Variants in TSFM observed in about 807,000 individuals in gnomAD.
TSFM encodes elongation factor Ts, mitochondrial.
A neutral mutation model predicts 33.4 loss-of-function variants in TSFM; 29 were observed. The observed-to-expected ratio is 0.87, with a 90% CI of 0.65 to 1.18. TSFM has a LOEUF of 1.18. Among genes scored for constraint, TSFM ranks in the 50% most tolerant of loss-of-function variants. The pLI is 0.00. For missense variants in TSFM, 394 were observed against 395.6 expected, an observed-to-expected ratio of 1.00 and a Z score of 0.04; for synonymous variants, 178 against 163.5, an observed-to-expected ratio of 1.09 and a Z score of -0.68.
intron 2 of TSFM, chr12:57,783,764 AT>A (rs1955548780): frequency 1.0e-5 from 6 of 577,046 alleles, no homozygotes; most frequent in Non-Finnish European, 1.8e-5. Context: ...CGGCTATTTT[AT>A]TTTTTATTTT....
intron 2 of TSFM, 142 bp downstream of exon 2, chr12:57,783,425 C>T: frequency 9.3e-7 from 1 of 1,071,400 alleles, no homozygotes; most frequent in Non-Finnish European, 1.4e-6. Flanking sequence ...GCTTAAATGA[C>T]AACCTTGGCC....
At position 57,783,223 on chromosome 12, in the gene TSFM, A is replaced by G. The variant is rs1309243990; in HGVS notation, c.171A>G (p.Thr57=). Residue 57 remains threonine, a synonymous_variant, in exon 2 of 6, where the codon ACA becomes ACG. Coordinates refer to ENST00000652027, the MANE Select transcript of TSFM (RefSeq NM_005726.6). The part of the protein sequence containing the change: ...KELLMKLRRK[T]GYSFVNCKKA... ...TCCTCATGAAGCTGCGGCGGAAAAC[A>G]GGCTACTCCTTTGTAAATTGCAAGA... 2.5e-6 allele frequency: 4 copies of G among 1,613,760 alleles called. No individual in the cohort carries two copies. Among genetic ancestry groups the G allele is most frequent in the Admixed American group, 3.3e-5 (2 of 60,000 alleles).
chr12:57,786,411 T>C, intron 3 of TSFM, 120 bp downstream of exon 3: 1 of 1,278,426 alleles, frequency 7.8e-7, no homozygotes, highest in Non-Finnish European at 1.0e-6. Flanking sequence ...TAAAGCGTAG[T>C]TGAAGTTAAA....
In TSFM at chr12:57,793,214, GT is replaced by G. The variant is rs1177522784; in HGVS notation, c.571+143del. 4.2e-6 allele frequency: 3 copies of G among 711,124 alleles called. No homozygotes were observed. In the East Asian group the frequency reaches 8.6e-5, roughly 20 times the overall value. 44.1% of individuals were successfully genotyped at this position (711,124 alleles called of 1,614,324 possible). A position where few individuals can be genotyped will look rare whatever the true frequency, so the allele number is the denominator to read the frequency against. On this transcript the variant is annotated intron_variant, in intron 5 of 5. Coordinates refer to ENST00000652027, the MANE Select transcript of TSFM (RefSeq NM_005726.6). ...GTGAGAAGTGGTGTGTGTGTTAGAT[GT>G]TAGGGAACATTAGGCATCTTTTTTT...
downstream of TSFM, chr12:57,801,378 A>C: frequency 1.8e-6 from 1 of 545,934 alleles, no homozygotes; most frequent in Non-Finnish European, 3.3e-6. Context: ...TGCAGGCTTG[A>C]AAGGTGCTTA....
chr12:57,792,772 G>A (rs1427521379), intron 4 of TSFM, among the ~76,000 whole-genome samples: 2 of 151,932 alleles, frequency 1.3e-5, no homozygotes, highest in Non-Finnish European at 2.9e-5. Flanking sequence ...TTTGTATTTC[G>A]TTGGAGACGG....
Position 57,786,262 on chromosome 12 carries a change from C to T in TSFM, c.331C>T (p.Gln111Ter). 1 of 1,612,154 alleles carries T rather than the reference C, an allele frequency of 6.2e-7. No homozygotes were observed. Among genetic ancestry groups the T allele is most frequent in the Non-Finnish European group, 8.5e-7 (1 of 1,179,032 alleles). ...KTKEGLIGLLQEGNTTVLVEV... is the reference protein window; with the variant it reads ...KTKEGLIGLL ...CAAAGAAGGCCTGATTGGGCTGTTG[C>T]AGGAAGGAAACACAACTGTATTAGT... The change falls in exon 3 of 6, where the codon CAG (glutamine) becomes TAG (stop). Residue 111 changes from glutamine (Q) to a stop codon, truncating the protein, a stop_gained. Coordinates refer to ENST00000652027, the MANE Select transcript of TSFM (RefSeq NM_005726.6). LOFTEE classifies it high-confidence loss of function.
chr12:57,795,245 T>G (rs182789999), intron 5 of TSFM, among the ~76,000 whole-genome samples: 1 of 151,102 alleles, frequency 6.6e-6, no homozygotes, highest in Non-Finnish European at 1.5e-5. Flanking sequence ...ATTACAGGCA[T>G]GTGCCACCAT....
At chr12:57,784,233 A>T in intron 2 of TSFM, 2 of 666,230 alleles carry the variant, frequency 3.0e-6, no homozygotes, top group Non-Finnish European at 5.4e-6. Context: ...ATAAAAAACG[A>T]TACATCTCCA....
At position 57,784,155 on chromosome 12, in the gene TSFM, C is replaced by T. The variant is rs78103521; in HGVS notation, c.231+872C>T. Reference sequence around the variant, plus strand: ...ATGTTACTGGACTGAATACTGTAGGCAGTTGTAACACAGTGGTAAGTATTG... The same window carrying T: ...ATGTTACTGGACTGAATACTGTAGGTAGTTGTAACACAGTGGTAAGTATTG... On this transcript the variant is annotated intron_variant, in intron 2 of 5. Coordinates refer to ENST00000652027, the MANE Select transcript of TSFM (RefSeq NM_005726.6). 123 of 702,052 alleles carry T rather than the reference C, an allele frequency of 1.8e-4. 1 individual carries two copies. In the East Asian group the frequency reaches 3.1e-3, roughly 18 times the overall value. The allele number at this position is 702,052 out of a possible 1,614,324, so 43.5% of individuals were successfully genotyped here. A position where few individuals can be genotyped will look rare whatever the true frequency, so the allele number is the denominator to read the frequency against.
chr12:57,782,871 G>A lies in TSFM; in HGVS notation c.57+13G>A, dbSNP rs748574305. On this transcript the variant is annotated intron_variant, in intron 1 of 5. Coordinates refer to ENST00000652027, the MANE Select transcript of TSFM (RefSeq NM_005726.6). The stretch of plus-strand genomic sequence containing the variant: ...CGGGAGCTACCCGGTGAGAAGTCCT[G>A]GTGCTGGTACCGACCTGCTGTCCCT... 6.3e-7 allele frequency: 1 copy of A among 1,589,458 alleles called. No individual in the cohort carries two copies. Among genetic ancestry groups the A allele is most frequent in the East Asian group, 2.3e-5 (1 of 43,480 alleles).
chr12:57,784,968 C>T (rs1344411447), intron 2 of TSFM, among the ~76,000 whole-genome samples: 1 of 138,790 alleles, frequency 7.2e-6, no homozygotes, highest in Non-Finnish European at 1.5e-5. Context: ...ACTCTGTCCC[C>T]CAGGCTGGAC....
chr12:57,799,876 C>T (rs1955811773), downstream of TSFM: 5 of 1,614,176 alleles, frequency 3.1e-6, no homozygotes, highest in Non-Finnish European at 4.2e-6. Flanking sequence ...AATATTTTGG[C>T]TCACTGTCAT....
At chr12:57,794,562 C>G (rs1955705664) in intron 5 of TSFM, among the ~76,000 whole-genome samples, 1 of 152,128 alleles carries the variant, frequency 6.6e-6, no homozygotes, top group African/African-American at 2.4e-5. Flanking sequence ...AAGGGATGAT[C>G]AGGAGTTGTC....
rs116022864 is a variant in TSFM, at chr12:57,786,795, C to T, written c.361-245C>T. ...GTAAGTGGTGAACTTGTGGTGAGTCCTTCAGGACATTATTGAACCATCTTC... is the reference window on the plus strand; with the variant it reads ...GTAAGTGGTGAACTTGTGGTGAGTCTTTCAGGACATTATTGAACCATCTTC... On this transcript the variant is annotated intron_variant, in intron 3 of 5. Coordinates refer to ENST00000652027, the MANE Select transcript of TSFM (RefSeq NM_005726.6). Among the ~76,000 whole-genome samples the T allele has an allele frequency of 2.0e-3, 305 of 152,270 alleles. 1 individual carries two copies. Among genetic ancestry groups the T allele is most frequent in the African/African-American group, 6.9e-3 (287 of 41,546 alleles).
In TSFM at chr12:57,783,886, G is replaced by A; in HGVS notation, c.231+603G>A. The A allele has an allele frequency of 1.2e-5, 8 of 692,278 alleles. No homozygotes were observed. In the South Asian group the frequency reaches 1.2e-4, roughly 11 times the overall value. 42.9% of individuals were successfully genotyped at this position (692,278 alleles called of 1,614,324 possible). ...CCGCCTCGGCTTCCCAGAGTGGTGG[G>A]ATTACAGGAGTGAGCCACCGCGCCC... On this transcript the variant is annotated intron_variant, in intron 2 of 5. Transcript: ENST00000652027.
intron 2 of TSFM, chr12:57,783,588 A>T: frequency 1.7e-6 from 1 of 595,818 alleles, no homozygotes; most frequent in African/African-American, 1.9e-5. Context: ...ACACTGTCTG[A>T]CTTTAGACTT....
chr12:57,783,567 G>A (rs770655649), intron 2 of TSFM: 41 of 635,032 alleles, frequency 6.5e-5, no homozygotes, highest in Non-Finnish European at 1.0e-4. Context: ...GAGTCAAATT[G>A]TGGGGCCCCC....
At chr12:57,786,560 GT>G (rs1233101199) in intron 3 of TSFM, among the ~76,000 whole-genome samples, 1 of 152,228 alleles carries the variant, frequency 6.6e-6, no homozygotes, top group Non-Finnish European at 1.5e-5. Context: ...GTCACTGATT[GT>G]TTCCTGGAAC....
Sources: gnomAD v4.1 joint callset for allele counts (sites outside exome capture counted in the v4.1 genomes callset) on GRCh38, gnomAD v4.1.1 for gene constraint, MANE v1.5 for transcripts, NCBI Gene and HGNC (gene_info 2026-07-23, HGNC 2026-07-21) for gene names.